The following NSUN3 variants were observed in gnomAD, a reference collection of about 807,000 sequenced individuals.
NSUN3 encodes tRNA (cytosine(34)-C(5))-methyltransferase, mitochondrial.
Under a neutral mutation model 36.8 loss-of-function variants are expected in NSUN3, and 24 were observed. That is an observed-to-expected ratio of 0.65 (90% confidence interval 0.47 to 0.92). The LOEUF (loss-of-function observed/expected upper bound fraction) is 0.92, where lower values mean the gene tolerates loss of function less well. Ranked by LOEUF, NSUN3 falls within the 40% of genes least tolerant of loss-of-function variation. The probability of loss-of-function intolerance (pLI) is 0.00; values close to 1 mark genes in which losing one functional copy is unlikely to be tolerated. For missense variants in NSUN3, 381 were observed against 392.8 expected (o/e 0.97, Z 0.25); for synonymous variants, 146 against 145.2 (o/e 1.01, Z -0.04).
At chr3:94,115,806 G>C (rs940324487) in intron 5 of NSUN3, among the ~76,000 whole-genome samples, 1 of 152,120 alleles carries the variant, frequency 6.6e-6, no homozygotes, top group Non-Finnish European at 1.5e-5. Context: ...CAAAAGAATA[G>C]ATCCGAGAAA....
chr3:94,067,976 G>T (rs111753701), intron 2 of NSUN3, among the ~76,000 whole-genome samples: 146 of 151,962 alleles, frequency 9.6e-4, no homozygotes, highest in African/African-American at 3.5e-3. Flanking sequence ...ATCTTTCTGG[G>T]CAGGCTCCTT....
chr3:94,066,939 C>T (rs1011352862), intron 2 of NSUN3, among the ~76,000 whole-genome samples: 8 of 152,190 alleles, frequency 5.3e-5, no homozygotes, highest in African/African-American at 1.9e-4. Flanking sequence ...GGTCTGGCAA[C>T]TGCCCTCAGC....
In NSUN3 at chr3:94,126,312, C is replaced by A; in HGVS notation, c.845C>A (p.Ser282Tyr). The change falls in exon 6 of 6, where the codon TCC becomes TAC. Residue 282 changes from serine to tyrosine, a missense_variant. Transcript: ENST00000314622. ...GATGTGATCAGTGAAATTTTAAACTCCCACGGTAACATCATGCCTATGGAC... is the reference window on the plus strand; with the variant it reads ...GATGTGATCAGTGAAATTTTAAACTACCACGGTAACATCATGCCTATGGAC... ...NQDVISEILN[S>Y]HGNIMPMDIK... The A allele has an allele frequency of 6.2e-7, 1 of 1,614,088 alleles. No homozygotes were observed. Among genetic ancestry groups the A allele is most frequent in the Non-Finnish European group, 8.5e-7 (1 of 1,179,994 alleles).
intron 5 of NSUN3, among the ~76,000 whole-genome samples, chr3:94,113,769 C>G (rs1025228033): frequency 1.3e-5 from 2 of 152,116 alleles, no homozygotes; most frequent in Non-Finnish European, 2.9e-5. Context: ...GTTATACAAA[C>G]AAAGTATTGT....
At chr3:94,098,019 T>TA (rs1472782139) in intron 5 of NSUN3, among the ~76,000 whole-genome samples, 10 of 152,166 alleles carry the variant, frequency 6.6e-5, no homozygotes, top group Non-Finnish European at 1.3e-4. Context: ...ATAATTAAGA[T>TA]AAAAATCATA....
chr3:94,098,338 A>G (rs1180181059), intron 5 of NSUN3, among the ~76,000 whole-genome samples: 1 of 152,152 alleles, frequency 6.6e-6, no homozygotes, highest in Non-Finnish European at 1.5e-5. Context: ...TAACTGTCCT[A>G]CATATCTCCA....
intron 5 of NSUN3, among the ~76,000 whole-genome samples, chr3:94,097,193 TA>T (rs2077345293): frequency 6.6e-6 from 1 of 152,174 alleles, no homozygotes; most frequent in African/African-American, 2.4e-5. Context: ...ATTTTCATTG[TA>T]AAAAAATAAA....
At chr3:94,076,073 C>T (rs1401522591) in intron 2 of NSUN3, 1 of 1,583,674 alleles carries the variant, frequency 6.3e-7, no homozygotes, top group East Asian at 2.2e-5. Context: ...AGTGTGACCA[C>T]CATGAATAAA....
chr3:94,071,073 A>T (rs2077223380), intron 2 of NSUN3, among the ~76,000 whole-genome samples: 1 of 152,228 alleles, frequency 6.6e-6, no homozygotes. Flanking sequence ...AATGATGTTG[A>T]ATCCTGACTG....
chr3:94,111,999 A>G (rs970041243), intron 5 of NSUN3, among the ~76,000 whole-genome samples: 4 of 152,112 alleles, frequency 2.6e-5, no homozygotes, highest in African/African-American at 9.7e-5. Flanking sequence ...CTAAGTCCCA[A>G]ATTTGCTGGA....
intron 3 of NSUN3, among the ~76,000 whole-genome samples, chr3:94,088,006 G>A (rs1302236387): frequency 6.6e-6 from 1 of 152,120 alleles, no homozygotes; most frequent in Non-Finnish European, 1.5e-5. Context: ...AGAGAAGACT[G>A]AAAAGACTCC....
chr3:94,063,133 A>T lies in NSUN3; in HGVS notation c.7A>T (p.Thr3Ser). 6.2e-7 allele frequency: 1 copy of T among 1,613,914 alleles called. No homozygotes were observed. The highest frequency in any genetic ancestry group is 8.5e-7 in the Non-Finnish European group (1 of 1,179,960). Residue 3 changes from threonine (T) to serine (S), a missense_variant, in exon 1 of 6, where the codon ACC becomes TCC. Thr to Ser is a moderately conservative substitution (Grantham distance 58). Transcript: ENST00000314622. ...GAAAGCTCTCAGCGGGACAATGCTG[A>T]CCCAGGTGAGACCTGGGGCCCGGCT... is the stretch of plus-strand genomic sequence containing the variant. Reference protein sequence around the residue: MLTQLKAKSEGKL... With the variant: MLSQLKAKSEGKL...
intron 3 of NSUN3, among the ~76,000 whole-genome samples, chr3:94,085,798 A>G (rs2077290317): frequency 6.6e-6 from 1 of 151,928 alleles, no homozygotes. Flanking sequence ...GTTTCTTCAC[A>G]CTCCTGATTT....
chr3:94,110,158 T>C (rs1349724388), intron 5 of NSUN3, among the ~76,000 whole-genome samples: 1 of 152,158 alleles, frequency 6.6e-6, no homozygotes, highest in Non-Finnish European at 1.5e-5. Context: ...TAGAAGTGCA[T>C]GAATAAGGCT....
intron 3 of NSUN3, among the ~76,000 whole-genome samples, chr3:94,088,699 GTC>G (rs1241101587): frequency 1.4e-5 from 2 of 144,656 alleles, no homozygotes; most frequent in Non-Finnish European, 3.0e-5. Context: ...TAGACATAGA[GTC>G]TCTCTCTGTC....
intron 5 of NSUN3, among the ~76,000 whole-genome samples, chr3:94,115,397 A>G (rs959374435): frequency 6.6e-6 from 1 of 152,190 alleles, no homozygotes; most frequent in Non-Finnish European, 1.5e-5. Flanking sequence ...GAAGGGTACT[A>G]TTGCCTTGAT....
chr3:94,090,624 A>G (rs1295075159), intron 3 of NSUN3, among the ~76,000 whole-genome samples: 1 of 152,132 alleles, frequency 6.6e-6, no homozygotes, highest in African/African-American at 2.4e-5. Flanking sequence ...CAGACTGGGT[A>G]CCCTAACCAA....
At chr3:94,076,376 G>A (rs2077245854) in intron 2 of NSUN3, 1 of 809,136 alleles carries the variant, frequency 1.2e-6, no homozygotes. Flanking sequence ...AGCGTCAACT[G>A]AGTGGCTTGG....
chr3:94,092,743 A>T (rs1285544534), intron 3 of NSUN3, among the ~76,000 whole-genome samples: 1 of 151,890 alleles, frequency 6.6e-6, no homozygotes, highest in African/African-American at 2.4e-5. Context: ...GTCTCTACTA[A>T]AAATACAAAA....
Sources: gnomAD v4.1 joint callset for allele counts (sites outside exome capture counted in the v4.1 genomes callset) on GRCh38, gnomAD v4.1.1 for gene constraint, MANE v1.5 for transcripts, NCBI Gene and HGNC (gene_info 2026-07-23, HGNC 2026-07-21) for gene names.